FRMPD1: variants seen among roughly 807,000 people sequenced by gnomAD.
FRMPD1 encodes the protein FERM and PDZ domain-containing protein 1.
Under a neutral mutation model 117.8 loss-of-function variants are expected in FRMPD1, and 76 were observed. That is an observed-to-expected ratio of 0.65 (90% CI 0.54 to 0.78). The LOEUF (loss-of-function observed/expected upper bound fraction) is 0.78, where lower values mean the gene tolerates loss of function less well. FRMPD1 is among the 30% of genes least tolerant of loss of function. FRMPD1 has a pLI of 0.00. For synonymous variants in FRMPD1, 783 were observed against 770.4 expected, an observed-to-expected ratio of 1.02 and a Z score of -0.27; for missense variants, 1,786 against 1,964.5, an observed-to-expected ratio of 0.91 and a Z score of 1.72.
Position 37,740,270 on chromosome 9 carries a change from C to A in FRMPD1, c.1742C>A (p.Thr581Lys). 1 of 1,613,810 alleles carries A rather than the reference C, an allele frequency of 6.2e-7. No individual in the cohort carries two copies. The highest frequency in any genetic ancestry group is 1.1e-5 in the South Asian group (1 of 91,070). Residue 581 changes from threonine (T) to lysine (K), a missense_variant, in exon 15 of 16, where the codon ACG (threonine) becomes AAG (lysine). Physicochemically the swap from Thr to Lys is moderately conservative, Grantham distance 78 (BLOSUM62 -1). Coordinates refer to ENST00000377765, the MANE Select transcript of FRMPD1 (RefSeq NM_014907.3). The surrounding 1 kb of genome is among the most constrained non-coding windows in gnomAD (Gnocchi z 4.2). ...CCCAGCACCTGCGGGGCCAGCAGCACGACAGACAGTGCCGAGTCCGAGGCG... is the reference window on the plus strand; with the variant it reads ...CCCAGCACCTGCGGGGCCAGCAGCAAGACAGACAGTGCCGAGTCCGAGGCG... ...RGPSTCGASS[T>K]TDSAESEASD...
At chr9:37,650,841 C>A (rs1253885323), upstream of FRMPD1, among the ~76,000 whole-genome samples, 1 of 148,234 alleles carries the variant, frequency 6.7e-6, no homozygotes, top group Non-Finnish European at 1.5e-5. Context: ...GGGCGGGGGT[C>A]GCGGCGCCGG....
At chr9:37,738,567 G>C (rs1217690186) in intron 14 of FRMPD1, among the ~76,000 whole-genome samples, 1 of 152,154 alleles carries the variant, frequency 6.6e-6, no homozygotes, top group Non-Finnish European at 1.5e-5. Context: ...TCGAGCCCCT[G>C]ACCTCAAATG....
chr9:37,647,431 G>A (rs1024924426), upstream of FRMPD1, among the ~76,000 whole-genome samples: 2 of 149,518 alleles, frequency 1.3e-5, no homozygotes, highest in East Asian at 2.0e-4. Context: ...AGAATGGCGT[G>A]AACCCAGGAG....
chr9:37,744,804 G>C lies in FRMPD1; in HGVS notation c.2772G>C (p.Glu924Asp). 1 of 1,614,174 alleles carries C rather than the reference G, an allele frequency of 6.2e-7. No homozygotes were observed. Among genetic ancestry groups the C allele is most frequent in the Non-Finnish European group, 8.5e-7 (1 of 1,180,034 alleles). Residue 924 changes from glutamate to aspartate, a missense_variant, in exon 16 of 16, where the codon GAG becomes GAC. Coordinates refer to ENST00000377765, the MANE Select transcript of FRMPD1 (RefSeq NM_014907.3). ...TNPASRVMEM[E>D]PETMETKSVI... ...CAGCCTCCAGGGTCATGGAGATGGA[G>C]CCCGAGACCATGGAAACCAAATCAG...
the FRMPD1 span, among the ~76,000 whole-genome samples, chr9:37,640,893 TA>T: frequency 6.6e-6 from 1 of 152,142 alleles, no homozygotes; most frequent in Non-Finnish European, 1.5e-5. Context: ...TTTATTTATT[TA>T]TTTAGAGACA....
intron 1 of FRMPD1, among the ~76,000 whole-genome samples, chr9:37,664,238 G>A (rs1460244426): frequency 1.3e-5 from 2 of 152,030 alleles, no homozygotes; most frequent in South Asian, 2.1e-4. Flanking sequence ...TTGGTGGTGG[G>A]GTGGGGGAGA....
At chr9:37,733,620 G>A (rs777085801) in intron 11 of FRMPD1, 21 bp downstream of exon 11, 9 of 1,612,922 alleles carry the variant, frequency 5.6e-6, no homozygotes, top group Admixed American at 3.3e-5. Context: ...TGCCTCTGCC[G>A]ACCCACTCAG....
chr9:37,733,626 C>T lies in FRMPD1; in HGVS notation c.1122+27C>T, dbSNP rs200774800. ...TAATGAAGGTGCCTCTGCCGACCCA[C>T]TCAGCTGTCGTCTGTGAAACCTTAG... On this transcript the variant is annotated intron_variant, in intron 11 of 15. Transcript: ENST00000377765. 2.2e-4 allele frequency: 361 copies of T among 1,612,598 alleles called. 2 individuals carry two copies. The East Asian group carries it at 6.0e-3, about 27-fold the overall frequency.
chr9:37,622,546 C>T, the FRMPD1 span, among the ~76,000 whole-genome samples: 17 of 152,198 alleles, frequency 1.1e-4, no homozygotes, highest in African/African-American at 3.9e-4. Flanking sequence ...TGTCCAGAAG[C>T]GTTTCTGCTT....
chr9:37,670,822 T>C (rs1821326501), intron 1 of FRMPD1, among the ~76,000 whole-genome samples: 1 of 152,250 alleles, frequency 6.6e-6, no homozygotes, highest in Admixed American at 6.5e-5. Flanking sequence ...TGCAGCAGTT[T>C]GTTGATAGAT....
At chr9:37,720,869 G>C (rs1011282805) in intron 6 of FRMPD1, among the ~76,000 whole-genome samples, 1 of 152,266 alleles carries the variant, frequency 6.6e-6, no homozygotes, top group African/African-American at 2.4e-5. Context: ...CCTGGCGACA[G>C]AGTGAGACTT....
At chr9:37,635,142 A>G in the FRMPD1 span, among the ~76,000 whole-genome samples, 1 of 152,198 alleles carries the variant, frequency 6.6e-6, no homozygotes, top group Non-Finnish European at 1.5e-5. Flanking sequence ...ATGAGAATTC[A>G]TTTTAATTTG....
At chr9:37,729,038 A>G (rs966825369) in intron 7 of FRMPD1, among the ~76,000 whole-genome samples, 24 of 151,736 alleles carry the variant, frequency 1.6e-4, no homozygotes, top group African/African-American at 5.3e-4. Context: ...GCAGTCAAAG[A>G]TACAGACTGG....
At chr9:37,706,676 A>G (rs1822716283) in intron 2 of FRMPD1, among the ~76,000 whole-genome samples, 1 of 152,258 alleles carries the variant, frequency 6.6e-6, no homozygotes, top group South Asian at 2.1e-4. Flanking sequence ...AAGTTGATAT[A>G]GAGGGAGTCC....
At chr9:37,674,730 A>G (rs1209217256) in intron 1 of FRMPD1, among the ~76,000 whole-genome samples, 5 of 152,192 alleles carry the variant, frequency 3.3e-5, no homozygotes, top group African/African-American at 9.7e-5. Context: ...GGAAGAAGCA[A>G]AAGTGGAAAC....
the FRMPD1 span, among the ~76,000 whole-genome samples, chr9:37,633,242 T>C: frequency 2.6e-5 from 4 of 152,040 alleles, no homozygotes; most frequent in African/African-American, 7.2e-5. Flanking sequence ...GGTTTCACCA[T>C]GTTGGTCAGG....
At chr9:37,682,070 A>G (rs1821748521) in intron 1 of FRMPD1, among the ~76,000 whole-genome samples, 1 of 152,230 alleles carries the variant, frequency 6.6e-6, no homozygotes, top group Non-Finnish European at 1.5e-5. Flanking sequence ...TAAGTCCTAG[A>G]AAGTGGGAGA....
chr9:37,723,092 C>T (rs1823469019), intron 6 of FRMPD1, among the ~76,000 whole-genome samples: 1 of 152,120 alleles, frequency 6.6e-6, no homozygotes, highest in African/African-American at 2.4e-5. Context: ...TAGTGGAGAG[C>T]ATCCCTCTGC....
Position 37,685,658 on chromosome 9 carries a change from A to T in FRMPD1, c.-4-6980A>T, listed in dbSNP as rs535435728. 3.3e-5 allele frequency among the ~76,000 whole-genome samples: 5 copies of T among 152,292 alleles called. No individual in the cohort carries two copies. The South Asian group carries it at 1.0e-3, about 32-fold the overall frequency. Reference sequence around the variant, plus strand: ...GAAAGCGAGACTCCGTCTCAAAAAAAAAAAAAATTTGCCTTCCATTTCTTT... The same window carrying T: ...GAAAGCGAGACTCCGTCTCAAAAAATAAAAAAATTTGCCTTCCATTTCTTT... On this transcript the variant is annotated intron_variant, in intron 1 of 15. Transcript: ENST00000377765.
Sources: gnomAD v4.1 joint callset for allele counts (sites outside exome capture counted in the v4.1 genomes callset) on GRCh38, gnomAD v4.1.1 for gene constraint, Gnocchi (gnomAD v3.1) non-coding constraint, MANE v1.5 for transcripts, NCBI Gene and HGNC (gene_info 2026-07-23, HGNC 2026-07-21) for gene names.